NOL4: variants seen among roughly 807,000 people sequenced by gnomAD.
NOL4 encodes nucleolar protein 4.
Under a neutral mutation model 75.9 loss-of-function variants are expected in NOL4, and 17 were observed. That is an observed-to-expected ratio of 0.22 (90% CI 0.15 to 0.34). The LOEUF is 0.34. Among genes scored for constraint, NOL4 ranks in the 10% least tolerant of loss-of-function variants. The pLI is 1.00. For synonymous variants in NOL4, 292 were observed against 289.9 expected, an observed-to-expected ratio of 1.01 and a Z score of -0.07; for missense variants, 614 against 793.5, an observed-to-expected ratio of 0.77 and a Z score of 2.72.
chr18:34,121,948 G>A (rs1336708732), intron 2 of NOL4, among the ~76,000 whole-genome samples: 1 of 152,032 alleles, frequency 6.6e-6, no homozygotes, highest in Non-Finnish European at 1.5e-5. Context: ...GGCCTATATA[G>A]CCCAATTGAG....
chr18:33,880,305 C>CTGTGTGTGTG lies in NOL4; in HGVS notation c.1723+2929_1723+2938dup, dbSNP rs61306180. On this transcript the variant is annotated intron_variant, in intron 10 of 10. Coordinates refer to ENST00000261592, the MANE Select transcript of NOL4 (RefSeq NM_003787.5). ...GGTGTTTTTGTCATGCAAAAGGGGTCTGTGTGTGTGTGTGTGTGTGTGTGT... is the reference window on the plus strand; with the variant it reads ...GGTGTTTTTGTCATGCAAAAGGGGTCTGTGTGTGTGTGTGTGTGTGTGTGTGTGTGTGTGT... Among the ~76,000 whole-genome samples, 799 of 144,470 alleles carry CTGTGTGTGTG rather than the reference C, an allele frequency of 5.5e-3. 5 individuals are homozygous for CTGTGTGTGTG. The highest frequency in any genetic ancestry group is 0.017 in the Admixed American group (241 of 14,322). The allele number at this position is 144,470 out of a possible 152,430, so 94.8% of individuals were successfully genotyped here. A position where few individuals can be genotyped will look rare whatever the true frequency, so the allele number is the denominator to read the frequency against.
chr18:33,968,471 T>G (rs1271668559), intron 6 of NOL4, among the ~76,000 whole-genome samples: 1 of 152,124 alleles, frequency 6.6e-6, no homozygotes, highest in Non-Finnish European at 1.5e-5. Flanking sequence ...GAAATCATGC[T>G]GCAACATGGA....
chr18:34,003,643 C>T (rs1299148018), intron 6 of NOL4, among the ~76,000 whole-genome samples: 4 of 152,118 alleles, frequency 2.6e-5, no homozygotes, highest in Admixed American at 2.0e-4. Context: ...TATCTCCTCT[C>T]ATTACTGCCT....
At chr18:33,985,617 T>C (rs1031240061) in intron 6 of NOL4, among the ~76,000 whole-genome samples, 2 of 152,146 alleles carry the variant, frequency 1.3e-5, no homozygotes, top group Admixed American at 6.6e-5. Flanking sequence ...AAGACCCTCA[T>C]GTCTTGTCTT....
intron 9 of NOL4, among the ~76,000 whole-genome samples, chr18:33,891,558 TG>T (rs2065095830): frequency 1.3e-5 from 2 of 152,122 alleles, no homozygotes; most frequent in Admixed American, 1.3e-4. Context: ...AGAAATAACT[TG>T]GGCAACATAA....
At chr18:34,053,602 T>G (rs185389159) in intron 5 of NOL4, among the ~76,000 whole-genome samples, 1 of 151,940 alleles carries the variant, frequency 6.6e-6, no homozygotes, top group Non-Finnish European at 1.5e-5. Context: ...CCCTCTCTAT[T>G]ATCACTCTAC....
chr18:34,217,474 A>G lies in NOL4; in HGVS notation c.264+5516T>C, dbSNP rs369804796. ...TAATTTTTTTTGTATTTTAGTAGAG[A>G]TGGGGTTTCACTGTGTTGCCCAGGC... On this transcript the variant is annotated intron_variant, in intron 1 of 10. Transcript: ENST00000261592. Among the ~76,000 whole-genome samples, 12 of 151,782 alleles carry G rather than the reference A, an allele frequency of 7.9e-5. 1 individual carries two copies. Among genetic ancestry groups the G allele is most frequent in the African/African-American group, 2.9e-4 (12 of 41,384 alleles).
intron 5 of NOL4, among the ~76,000 whole-genome samples, chr18:34,087,329 A>AT (rs2078287495): frequency 1.3e-5 from 2 of 152,078 alleles, no homozygotes; most frequent in African/African-American, 2.4e-5. Flanking sequence ...TCAGATTGCT[A>AT]TTTTTTGTTA....
chr18:34,164,841 C>A (rs1210921403), intron 1 of NOL4, among the ~76,000 whole-genome samples: 1 of 151,734 alleles, frequency 6.6e-6, no homozygotes, highest in Non-Finnish European at 1.5e-5. Context: ...GGAACCAACC[C>A]AAATGTCCAA....
At chr18:34,004,683 A>C (rs1383283938) in intron 6 of NOL4, among the ~76,000 whole-genome samples, 2 of 152,028 alleles carry the variant, frequency 1.3e-5, no homozygotes, top group African/African-American at 2.4e-5. Context: ...ATCTAAACCC[A>C]CACACCCTAG....
At chr18:33,957,843 C>G (rs531240779) in intron 7 of NOL4, among the ~76,000 whole-genome samples, 1 of 152,100 alleles carries the variant, frequency 6.6e-6, no homozygotes, top group Non-Finnish European at 1.5e-5. Flanking sequence ...ATGATGAATA[C>G]GACTGTTACA....
At chr18:34,000,111 A>G (rs772434705) in intron 6 of NOL4, among the ~76,000 whole-genome samples, 56 of 152,318 alleles carry the variant, frequency 3.7e-4, no homozygotes, top group Non-Finnish European at 6.5e-4. Context: ...CTGGGAACAT[A>G]TCTCATCCAA....
At chr18:34,082,753 T>C (rs2078069050) in intron 5 of NOL4, among the ~76,000 whole-genome samples, 1 of 152,158 alleles carries the variant, frequency 6.6e-6, no homozygotes, top group African/African-American at 2.4e-5. Context: ...TCATCACAGA[T>C]TTGAATAAAG....
intron 10 of NOL4, among the ~76,000 whole-genome samples, chr18:33,872,502 A>T (rs2063747097): frequency 6.6e-6 from 1 of 152,034 alleles, no homozygotes; most frequent in Admixed American, 6.6e-5. Flanking sequence ...AAATGATTAA[A>T]TACAAAGAAC....
At chr18:33,920,644 TG>T (rs1347083642) in intron 9 of NOL4, among the ~76,000 whole-genome samples, 2 of 152,206 alleles carry the variant, frequency 1.3e-5, no homozygotes, top group African/African-American at 4.8e-5. Flanking sequence ...ATGTGATTTA[TG>T]GGTCCAATCA....
At chr18:34,157,942 G>C (rs148533285) in intron 1 of NOL4, among the ~76,000 whole-genome samples, 1,911 of 152,212 alleles carry the variant, frequency 0.013, 15 homozygotes, top group Middle Eastern at 0.051. Flanking sequence ...ATCTCTTTTA[G>C]TGGCTTTGAA....
intron 2 of NOL4, among the ~76,000 whole-genome samples, chr18:34,127,259 C>A (rs1011403260): frequency 1.3e-5 from 2 of 151,776 alleles, no homozygotes; most frequent in Admixed American, 1.3e-4. Flanking sequence ...TAAAGGACCA[C>A]CATTTCCTGC....
chr18:33,940,121 A>C (rs1298473716), intron 9 of NOL4, among the ~76,000 whole-genome samples: 1 of 152,134 alleles, frequency 6.6e-6, no homozygotes, highest in African/African-American at 2.4e-5. Context: ...AAATTAGTTC[A>C]ACCATTGTGG....
intron 2 of NOL4, among the ~76,000 whole-genome samples, chr18:34,120,152 G>GA (rs2047662863): frequency 3.3e-5 from 5 of 152,032 alleles, no homozygotes. Flanking sequence ...TTTAACTTTG[G>GA]AAAAAATTGT....
Sources: allele counts gnomAD v4.1 joint callset (sites outside exome capture counted in the v4.1 genomes callset), GRCh38; gene constraint gnomAD v4.1.1; transcripts MANE v1.5; gene names NCBI Gene and HGNC (gene_info 2026-07-23, HGNC 2026-07-21).